PTPRJ: variants seen among roughly 807,000 people sequenced by gnomAD.
PTPRJ encodes protein tyrosine phosphatase receptor type J.
PTPRJ carries 129 observed loss-of-function variants against 141.3 expected under a neutral mutation model. That is an observed-to-expected ratio of 0.91 (90% CI 0.79 to 1.06). The LOEUF is 1.06. Among genes scored for constraint, PTPRJ ranks in the 50% least tolerant of loss-of-function variants. The pLI, the probability that PTPRJ is intolerant of heterozygous loss-of-function variation, is 0.00. For synonymous variants in PTPRJ, 610 were observed against 640.5 expected, an observed-to-expected ratio of 0.95 and a Z score of 0.72; for missense variants, 1,601 against 1,679.7, an observed-to-expected ratio of 0.95 and a Z score of 0.82.
intron 1 of PTPRJ, among the ~76,000 whole-genome samples, chr11:48,062,762 T>G (rs1854973775): frequency 6.6e-6 from 1 of 152,182 alleles, no homozygotes; most frequent in Non-Finnish European, 1.5e-5. Context: ...ATTCTCCCAT[T>G]TAATCATCCC....
At chr11:48,132,376 T>C (rs1857002053) in intron 8 of PTPRJ, 1 of 977,598 alleles carries the variant, frequency 1.0e-6, no homozygotes, top group East Asian at 1.1e-4. Flanking sequence ...AAAAAAAATT[T>C]TTTTTTATAG....
chr11:48,000,373 T>C (rs890980141), intron 1 of PTPRJ, among the ~76,000 whole-genome samples: 4 of 151,938 alleles, frequency 2.6e-5, no homozygotes, highest in Admixed American at 1.3e-4. Flanking sequence ...CTCCAAGTCC[T>C]GGGCTCAAAC....
At chr11:48,023,661 A>G (rs1038218380) in intron 1 of PTPRJ, among the ~76,000 whole-genome samples, 4 of 152,094 alleles carry the variant, frequency 2.6e-5, no homozygotes, top group Non-Finnish European at 5.9e-5. Flanking sequence ...GCGCGCCTGT[A>G]GTCCCAGCTA....
chr11:48,123,178 T>C (rs1318042334), intron 4 of PTPRJ, among the ~76,000 whole-genome samples: 2 of 152,250 alleles, frequency 1.3e-5, no homozygotes, highest in Non-Finnish European at 2.9e-5. Flanking sequence ...TTTAAAATGA[T>C]ATTATTTGCA....
Position 48,125,150 on chromosome 11 carries a change from AC to A in PTPRJ, c.1058del (p.Thr353LysfsTer8). The A allele has an allele frequency of 6.2e-7, 1 of 1,614,090 alleles. No homozygotes were observed. Among genetic ancestry groups the A allele is most frequent in the South Asian group, 1.1e-5 (1 of 91,068 alleles). ...ATVYSQAANGTEGQPQAIEFR... is the reference protein window; with the variant it reads ...ATVYSQAANGXEGQPQAIEFR... ...CGTTTATTCCCAAGCAGCGAATGGC[AC>A]AGAAGGACAGCCCCAGGCCATAGAG... is the stretch of plus-strand genomic sequence containing the variant. On this transcript the variant is annotated frameshift_variant, in exon 6 of 25. Transcript: ENST00000418331. LOFTEE classifies it high-confidence loss of function.
chr11:48,004,058 C>A (rs1224879594), intron 1 of PTPRJ, among the ~76,000 whole-genome samples: 2 of 152,188 alleles, frequency 1.3e-5, no homozygotes, highest in African/African-American at 2.4e-5. Flanking sequence ...TAGTTGTATG[C>A]AACCTGACTG....
At position 48,136,147 on chromosome 11, in the gene PTPRJ, T is replaced by C; in HGVS notation, c.1724T>C (p.Ile575Thr). 1.9e-6 allele frequency: 3 copies of C among 1,614,178 alleles called. No individual in the cohort carries two copies. Among genetic ancestry groups the C allele is most frequent in the Non-Finnish European group, 2.5e-6 (3 of 1,180,024 alleles). ...TCCGAGTATGTCTACCATTTAGTCA[T>C]AGAGTCCAAGCATGGCTCTAACCAC... ...GASEYVYHLV[I>T]ESKHGSNHTS... The change falls in exon 9 of 25, where the codon ATA becomes ACA. Residue 575 changes from isoleucine (I) to threonine (T), a missense_variant. Transcript: ENST00000418331.
chr11:48,115,055 T>G (rs1856531596), intron 3 of PTPRJ, among the ~76,000 whole-genome samples: 1 of 152,156 alleles, frequency 6.6e-6, no homozygotes. Flanking sequence ...GCCTATAGGA[T>G]TTATGCAACA....
intron 1 of PTPRJ, among the ~76,000 whole-genome samples, chr11:48,006,384 G>T (rs1413268681): frequency 6.6e-6 from 1 of 152,124 alleles, no homozygotes; most frequent in Non-Finnish European, 1.5e-5. Flanking sequence ...TAATCTAGGG[G>T]CGGGGAGGGA....
chr11:48,080,938 A>G (rs1855541172), intron 1 of PTPRJ, among the ~76,000 whole-genome samples: 1 of 152,258 alleles, frequency 6.6e-6, no homozygotes, highest in Non-Finnish European at 1.5e-5. Context: ...GAGCGAATAA[A>G]AGAATGAATG....
intron 14 of PTPRJ, 112 bp downstream of exon 14, chr11:48,145,236 CCCAG>C: frequency 7.1e-7 from 1 of 1,401,168 alleles, no homozygotes; most frequent in Non-Finnish European, 9.8e-7. Flanking sequence ...GGTTGGTGTG[CCCAG>C]CTCTCCCCTC....
chr11:48,035,538 CTTTTTTTT>C (rs66504227), intron 1 of PTPRJ, among the ~76,000 whole-genome samples: 3 of 61,742 alleles, frequency 4.9e-5, no homozygotes, highest in Non-Finnish European at 5.9e-5. Flanking sequence ...CTTTCTTCTT[CTTTTTTTT>C]TTTTTTTTTT....
chr11:48,123,323 G>A (rs540057983), intron 4 of PTPRJ, among the ~76,000 whole-genome samples: 2 of 152,222 alleles, frequency 1.3e-5, no homozygotes, highest in South Asian at 2.1e-4. Flanking sequence ...TCACTATTGG[G>A]GTTAATCTTG....
At chr11:48,043,964 G>A (rs1854330055) in intron 1 of PTPRJ, among the ~76,000 whole-genome samples, 1 of 152,194 alleles carries the variant, frequency 6.6e-6, no homozygotes, top group Non-Finnish European at 1.5e-5. Flanking sequence ...TCCTCAGTGT[G>A]CAGCCCTCTC....
chr11:48,109,108 T>A (rs527523838), intron 1 of PTPRJ, among the ~76,000 whole-genome samples: 2 of 152,068 alleles, frequency 1.3e-5, no homozygotes, highest in South Asian at 4.2e-4. Flanking sequence ...AGGGAATAAA[T>A]ATGTAAAGGC....
intron 1 of PTPRJ, among the ~76,000 whole-genome samples, chr11:47,996,184 A>G (rs1481692124): frequency 1.3e-5 from 2 of 151,216 alleles, no homozygotes; most frequent in Non-Finnish European, 2.9e-5. Context: ...ATACAAAAAA[A>G]ATTAGCTGGG....
chr11:48,161,903 G>C (rs1447087670), intron 22 of PTPRJ, among the ~76,000 whole-genome samples: 1 of 152,154 alleles, frequency 6.6e-6, no homozygotes, highest in Non-Finnish European at 1.5e-5. Context: ...GGGAGTCACT[G>C]TGCCCGGCCT....
intron 1 of PTPRJ, among the ~76,000 whole-genome samples, chr11:48,092,432 T>A (rs1340051272): frequency 6.6e-6 from 1 of 151,810 alleles, no homozygotes; most frequent in Non-Finnish European, 1.5e-5. Flanking sequence ...ATTCAGTGTC[T>A]TTTTTCTTTT....
intron 6 of PTPRJ, among the ~76,000 whole-genome samples, chr11:48,125,837 A>G (rs1161830951): frequency 6.6e-6 from 1 of 152,178 alleles, no homozygotes; most frequent in African/African-American, 2.4e-5. Context: ...TTTTCCTGGT[A>G]TCCATGTTGA....
Sources: gnomAD v4.1 joint callset for allele counts (sites outside exome capture counted in the v4.1 genomes callset) on GRCh38, gnomAD v4.1.1 for gene constraint, MANE v1.5 for transcripts, NCBI Gene and HGNC (gene_info 2026-07-23, HGNC 2026-07-21) for gene names.